ANKRD35: variants seen among roughly 807,000 people sequenced by gnomAD.
The protein encoded by ANKRD35 is ankyrin repeat domain-containing protein 35.
Under a neutral mutation model 109.9 loss-of-function variants are expected in ANKRD35, and 102 were observed. That is an observed-to-expected ratio of 0.93 (90% confidence interval 0.79 to 1.09). The LOEUF (loss-of-function observed/expected upper bound fraction) is 1.09, where lower values mean the gene tolerates loss of function less well. Ranked by LOEUF, ANKRD35 falls within the 50% of genes least tolerant of loss-of-function variation. The pLI is 0.00. For missense variants in ANKRD35, 1,240 were observed against 1,230.1 expected (o/e 1.01, Z -0.12); for synonymous variants, 515 against 512.4 (o/e 1.01, Z -0.07).
At chr1:145,883,675 C>T (rs1422239691) in intron 1 of ANKRD35, among the ~76,000 whole-genome samples, 1 of 152,224 alleles carries the variant, frequency 6.6e-6, no homozygotes, top group Non-Finnish European at 1.5e-5. Context: ...TCCAGTGTGA[C>T]TGGGAAGCCA....
At chr1:145,875,795 GC>G (rs1654048268) in intron 7 of ANKRD35, among the ~76,000 whole-genome samples, 2 of 151,068 alleles carry the variant, frequency 1.3e-5, no homozygotes, top group African/African-American at 2.4e-5. Flanking sequence ...TGATCCACCC[GC>G]CTTGGCCTCC....
intron 8 of ANKRD35, 98 bp downstream of exon 8, chr1:145,874,724 A>C: frequency 2.9e-6 from 4 of 1,371,262 alleles, no homozygotes; most frequent in Non-Finnish European, 3.9e-6. Flanking sequence ...CCCAGGTGAC[A>C]ATTATTTGTC....
chr1:145,869,063 TAAA>T (rs1448131572), intron 10 of ANKRD35, among the ~76,000 whole-genome samples: 2 of 151,296 alleles, frequency 1.3e-5, no homozygotes, highest in African/African-American at 4.9e-5. Flanking sequence ...TGTAACCAAT[TAAA>T]AAAAAAGCTG....
Position 145,867,311 on chromosome 1 carries a change from G to T in ANKRD35, c.*19C>A, listed in dbSNP as rs372948867. ...CAACAGAGAATCTCGTATCCCTGAG[G>T]GCACACAGTGAGGCTGCCTCACTCC... On this transcript the variant is annotated 3_prime_UTR_variant, in exon 13 of 14. Transcript: ENST00000355594. 1.2e-4 allele frequency: 197 copies of T among 1,611,416 alleles called. No homozygotes were observed. The highest frequency in any genetic ancestry group is 1.6e-4 in the Non-Finnish European group (189 of 1,177,918).
chr1:145,868,216 G>T, intron 11 of ANKRD35, 95 bp downstream of exon 11: 4 of 1,499,212 alleles, frequency 2.7e-6, no homozygotes, highest in Non-Finnish European at 3.7e-6. Flanking sequence ...TTCCTAGAAT[G>T]TCTCCCTCAG....
intron 10 of ANKRD35, among the ~76,000 whole-genome samples, 188 bp downstream of exon 10, chr1:145,871,794 C>T (rs190294467): frequency 6.6e-6 from 1 of 152,260 alleles, no homozygotes; most frequent in Admixed American, 6.5e-5. Flanking sequence ...CTTACCTCAC[C>T]TCCAATCTCA....
At chr1:145,879,817 C>T (rs587607908) in intron 1 of ANKRD35, among the ~76,000 whole-genome samples, 17 of 152,284 alleles carry the variant, frequency 1.1e-4, no homozygotes, top group African/African-American at 3.8e-4. Flanking sequence ...TCACCACCGC[C>T]TCCACCCCTG....
At position 145,873,776 on chromosome 1, in the gene ANKRD35, C is replaced by A; in HGVS notation, c.993G>T (p.Leu331=). Residue 331 remains leucine, a synonymous_variant, in exon 10 of 14, where the codon CTG becomes CTT. Transcript: ENST00000355594. ...GCTCTCGAATCTGGTTCTCAAGGTC[C>A]AGATAGGCTGCAGCTTGAGTCTTAC... ...EECKTQAAAY[L]DLENQIREQA... The A allele has an allele frequency of 6.2e-7, 1 of 1,611,208 alleles. No homozygotes were observed. The highest frequency in any genetic ancestry group is 8.5e-7 in the Non-Finnish European group (1 of 1,178,588).
chr1:145,874,932 G>C lies in ANKRD35; in HGVS notation c.635C>G (p.Ala212Gly). Residue 212 changes from alanine to glycine, a missense_variant, in exon 8 of 14, where the codon GCG becomes GGG. By Grantham distance (60) the Ala-to-Gly change is moderately conservative. Coordinates refer to ENST00000355594, the MANE Select transcript of ANKRD35 (RefSeq NM_144698.5). ...ATGCCCTGTGCTGTCCACAGCCCCC[G>C]CGTCAGCTCCGTGGCTCAGGAGCAG... Reference protein sequence around the residue: ...AELLLSHGADAGAVDSTGHDA... With the variant: ...AELLLSHGADGGAVDSTGHDA... The C allele has an allele frequency of 6.2e-7, 1 of 1,613,354 alleles. No homozygotes were observed. The highest frequency in any genetic ancestry group is 8.5e-7 in the Non-Finnish European group (1 of 1,179,720).
chr1:145,882,235 T>C (rs1654319001), intron 1 of ANKRD35, among the ~76,000 whole-genome samples: 1 of 151,642 alleles, frequency 6.6e-6, no homozygotes. Context: ...ATTACAAGCG[T>C]GAGCCACCGC....
At chr1:145,884,581 A>C (rs1368414823) in intron 1 of ANKRD35, among the ~76,000 whole-genome samples, 1 of 152,080 alleles carries the variant, frequency 6.6e-6, no homozygotes, top group Non-Finnish European at 1.5e-5. Flanking sequence ...TCTGTAAGAG[A>C]TCTCTAGAGA....
chr1:145,873,891 G>T lies in ANKRD35; in HGVS notation c.878C>A (p.Pro293Gln), dbSNP rs80055280. Residue 293 changes from proline (P) to glutamine (Q), a missense_variant, in exon 10 of 14, where the codon CCG becomes CAG. Physicochemically the swap from Pro to Gln is moderately conservative, Grantham distance 76. Coordinates refer to ENST00000355594, the MANE Select transcript of ANKRD35 (RefSeq NM_144698.5). ...EEQEEKEDED[P>Q]CSEEWRWKYE... The stretch of plus-strand genomic sequence containing the variant: ...CTTCCACCTCCACTCCTCCGAGCAC[G>T]GGTCTTCATCCTCCTTCTCCTCTTG... 3.8e-5 allele frequency: 62 copies of T among 1,614,132 alleles called. No individual in the cohort carries two copies. The highest frequency in any genetic ancestry group is 5.2e-5 in the Non-Finnish European group (61 of 1,180,016).
At chr1:145,868,535 A>C in intron 10 of ANKRD35, 135 bp from the exon 11 acceptor site, 1 of 710,502 alleles carries the variant, frequency 1.4e-6, no homozygotes, top group Non-Finnish European at 2.4e-6. Flanking sequence ...CACTCAAAAC[A>C]GCTTTTCTTC....
At position 145,874,774 on chromosome 1, in the gene ANKRD35, A is replaced by G. The variant is rs587649894; in HGVS notation, c.745+48T>C. On this transcript the variant is annotated intron_variant, in intron 8 of 13. Coordinates refer to ENST00000355594, the MANE Select transcript of ANKRD35 (RefSeq NM_144698.5). Reference sequence around the variant, plus strand: ...CATGGAAACAAATGGGACTCTAAGAAACTTCTCTGATTCTTAGAGAACGTG... The same window carrying G: ...CATGGAAACAAATGGGACTCTAAGAGACTTCTCTGATTCTTAGAGAACGTG... The G allele has an allele frequency of 8.0e-6, 12 of 1,500,748 alleles. No individual in the cohort carries two copies. In the African/African-American group the frequency reaches 1.1e-4, roughly 14 times the overall value. The allele number at this position is 1,500,748 out of a possible 1,614,324, so 93.0% of individuals were successfully genotyped here. A position where few individuals can be genotyped will look rare whatever the true frequency, so the allele number is the denominator to read the frequency against.
chr1:145,875,249 G>A (rs587749943), intron 7 of ANKRD35, among the ~76,000 whole-genome samples: 3 of 150,260 alleles, frequency 2.0e-5, no homozygotes, highest in South Asian at 2.1e-4. Flanking sequence ...AGGTTCATGC[G>A]ATTCTCCTGC....
At chr1:145,883,566 T>C (rs1553741473) in intron 1 of ANKRD35, among the ~76,000 whole-genome samples, 1 of 152,220 alleles carries the variant, frequency 6.6e-6, no homozygotes, top group African/African-American at 2.4e-5. Context: ...TAGATTAGCT[T>C]TAAAATGATC....
At chr1:145,877,414 AT>A in intron 4 of ANKRD35, among the ~76,000 whole-genome samples, 1 of 152,026 alleles carries the variant, frequency 6.6e-6, no homozygotes, top group South Asian at 2.1e-4. Context: ...TTGTATTTTT[AT>A]TAGAGATGGG....
chr1:145,883,177 C>T (rs1553741409), intron 1 of ANKRD35, among the ~76,000 whole-genome samples: 3 of 150,578 alleles, frequency 2.0e-5, no homozygotes, highest in Admixed American at 1.3e-4. Context: ...CTCCGCCTCC[C>T]GGGTTCAAGC....
intron 7 of ANKRD35, among the ~76,000 whole-genome samples, chr1:145,875,651 C>G (rs1654039720): frequency 6.6e-6 from 1 of 152,034 alleles, no homozygotes; most frequent in South Asian, 2.1e-4. Flanking sequence ...CAGATTCATG[C>G]CATTCTCCTG....
Sources: allele counts gnomAD v4.1 joint callset (sites outside exome capture counted in the v4.1 genomes callset), GRCh38; gene constraint gnomAD v4.1.1; transcripts MANE v1.5; gene names NCBI Gene and HGNC (gene_info 2026-07-23, HGNC 2026-07-21).